Variants in LRRC7 observed in about 807,000 individuals in gnomAD.
LRRC7 encodes leucine rich repeat containing 7.
In LRRC7, 23 loss-of-function variants were observed where a neutral mutation model predicts 175.7. The ratio of observed to expected loss-of-function variants is 0.13; its 90% CI spans 0.09 to 0.19. The LOEUF (loss-of-function observed/expected upper bound fraction) is 0.19, where lower values mean the gene tolerates loss of function less well. Among genes scored for constraint, LRRC7 ranks in the 10% least tolerant of loss-of-function variants. The pLI, the probability that LRRC7 is intolerant of heterozygous loss-of-function variation, is 1.00. For missense variants in LRRC7, 1,354 were observed against 1,904.7 expected, an observed-to-expected ratio of 0.71 and a Z score of 5.38; for synonymous variants, 685 against 680.9, an observed-to-expected ratio of 1.01 and a Z score of -0.09.
Position 70,021,063 on chromosome 1 carries a change from A to G in LRRC7, c.1479A>G (p.Gln493=), listed in dbSNP as rs1354758909. 4 of 1,612,768 alleles carry G rather than the reference A, an allele frequency of 2.5e-6. No individual in the cohort carries two copies. Among genetic ancestry groups the G allele is most frequent in the Admixed American group, 1.7e-5 (1 of 59,958 alleles). The change falls in exon 16 of 27, where the codon CAA becomes CAG. Residue 493 remains glutamine, a synonymous_variant. Transcript: ENST00000651989. ...CACTGTGGGAAGAGCAGAGACAACA[A>G]CGCATGACTGTTGCCTTTGAATTTG... The part of the protein sequence containing the change: ...NPTLWEEQRQ[Q]RMTVAFEFED...
At chr1:69,889,526 G>A (rs747870523) in intron 7 of LRRC7, among the ~76,000 whole-genome samples, 14 of 152,196 alleles carry the variant, frequency 9.2e-5, no homozygotes, top group South Asian at 2.1e-4. Flanking sequence ...AACCACTTTC[G>A]CTAGGTGCAG....
At chr1:70,070,432 C>T (rs964046110) in intron 23 of LRRC7, among the ~76,000 whole-genome samples, 1 of 152,210 alleles carries the variant, frequency 6.6e-6, no homozygotes, top group Non-Finnish European at 1.5e-5. Flanking sequence ...TTTGTCCTCT[C>T]AGTATGAGCA....
At chr1:69,992,855 C>A (rs1276840445) in intron 10 of LRRC7, among the ~76,000 whole-genome samples, 1 of 152,154 alleles carries the variant, frequency 6.6e-6, no homozygotes, top group African/African-American at 2.4e-5. Flanking sequence ...TACTTCAGAG[C>A]TGGAGACTAT....
At chr1:69,980,726 A>G (rs2101888448) in intron 9 of LRRC7, among the ~76,000 whole-genome samples, 1 of 152,252 alleles carries the variant, frequency 6.6e-6, no homozygotes, top group South Asian at 2.1e-4. Context: ...CTGTTCTTTA[A>G]AAGCTGAAAG....
At chr1:69,974,941 C>T (rs1652655560) in intron 8 of LRRC7, among the ~76,000 whole-genome samples, 1 of 152,140 alleles carries the variant, frequency 6.6e-6, no homozygotes, top group Non-Finnish European at 1.5e-5. Context: ...ATATCATCTG[C>T]AGTTATGTAA....
chr1:69,801,941 T>G (rs536386863), intron 4 of LRRC7, among the ~76,000 whole-genome samples: 1 of 151,590 alleles, frequency 6.6e-6, no homozygotes, highest in East Asian at 1.9e-4. Context: ...TTTCAAAATT[T>G]TTTTTTCTAA....
At chr1:70,044,693 A>C (rs1660194169) in intron 22 of LRRC7, among the ~76,000 whole-genome samples, 1 of 152,164 alleles carries the variant, frequency 6.6e-6, no homozygotes, top group Non-Finnish European at 1.5e-5. Context: ...ATTAGATGAA[A>C]ATGTGGGAAC....
chr1:70,073,537 A>G (rs1440085382), intron 23 of LRRC7, among the ~76,000 whole-genome samples: 1 of 152,176 alleles, frequency 6.6e-6, no homozygotes, highest in Non-Finnish European at 1.5e-5. Context: ...CCTTGAATAG[A>G]CTAGTACTAC....
intron 24 of LRRC7, among the ~76,000 whole-genome samples, chr1:70,077,215 C>T (rs752892237): frequency 3.2e-4 from 49 of 152,082 alleles, no homozygotes; most frequent in Non-Finnish European, 1.2e-4. Context: ...CATTTGGATT[C>T]CAAGGGCTTT....
rs1204650835 is a variant in LRRC7, at chr1:70,136,721, C to CTTTTT, written c.*14854_*14858dup. ...TTCTGCTTTATTGCTTTTTTAATGC[C>CTTTTT]TTTTTTTTTTTTTTTTTTTTTTTTC... On this transcript the variant is annotated 3_prime_UTR_variant, in exon 27 of 27. Transcript: ENST00000651989. 5.2e-3 allele frequency among the ~76,000 whole-genome samples: 514 copies of CTTTTT among 98,336 alleles called. 18 individuals are homozygous for CTTTTT. Among genetic ancestry groups the CTTTTT allele is most frequent in the Middle Eastern group, 7.9e-3 (1 of 126 alleles). The allele number at this position is 98,336 out of a possible 152,430, so 64.5% of individuals were successfully genotyped here.
chr1:69,960,790 A>AAC (rs1650989972), intron 8 of LRRC7, among the ~76,000 whole-genome samples: 1 of 151,784 alleles, frequency 6.6e-6, no homozygotes, highest in Non-Finnish European at 1.5e-5. Flanking sequence ...CTTTATGTTA[A>AAC]AAAAAAACTC....
At chr1:70,003,789 T>C (rs2101933855) in intron 11 of LRRC7, among the ~76,000 whole-genome samples, 1 of 152,250 alleles carries the variant, frequency 6.6e-6, no homozygotes, top group South Asian at 2.1e-4. Flanking sequence ...AATGTTTCCA[T>C]ATTTTTCATT....
chr1:69,884,523 A>G (rs1445420388), intron 7 of LRRC7, among the ~76,000 whole-genome samples: 1 of 135,496 alleles, frequency 7.4e-6, no homozygotes, highest in Non-Finnish European at 1.5e-5. Flanking sequence ...GGGCTGAGAC[A>G]ATGGGGTTTT....
intron 26 of LRRC7, among the ~76,000 whole-genome samples, chr1:70,114,992 G>A (rs1665756493): frequency 6.6e-6 from 1 of 152,122 alleles, no homozygotes; most frequent in South Asian, 2.1e-4. Flanking sequence ...ATTACTGACA[G>A]ATGTTCGATA....
At chr1:69,927,454 A>T (rs147528627) in intron 7 of LRRC7, among the ~76,000 whole-genome samples, 3 of 152,166 alleles carry the variant, frequency 2.0e-5, no homozygotes, top group African/African-American at 7.2e-5. Context: ...CCAGTCAGAC[A>T]TAGATTTGGT....
intron 2 of LRRC7, among the ~76,000 whole-genome samples, chr1:69,684,409 G>A (rs1321967200): frequency 2.0e-5 from 3 of 151,936 alleles, no homozygotes; most frequent in African/African-American, 4.8e-5. Flanking sequence ...AAAGGCATAA[G>A]GAAAGAAAAA....
Position 70,039,612 on chromosome 1 carries a change from C to G in LRRC7, c.3788C>G (p.Ala1263Gly), listed in dbSNP as rs1659683602. The stretch of plus-strand genomic sequence containing the variant: ...CCAGTTTCAGCTAGGCCTACTATGG[C>G]AGCTCTTTTGGAAAAAATACCATCT... The part of the protein sequence containing the change: ...TRPVSARPTM[A>G]ALLEKIPSDY... Residue 1263 changes from alanine to glycine, a missense_variant, in exon 21 of 27, where the codon GCA becomes GGA. Physicochemically the swap from Ala to Gly is moderately conservative, Grantham distance 60. Coordinates refer to ENST00000651989, the MANE Select transcript of LRRC7 (RefSeq NM_001370785.2). 1 of 1,613,942 alleles carries G rather than the reference C, an allele frequency of 6.2e-7. No homozygotes were observed. The highest frequency in any genetic ancestry group is 8.5e-7 in the Non-Finnish European group (1 of 1,179,992).
intron 8 of LRRC7, among the ~76,000 whole-genome samples, chr1:69,939,209 A>G (rs1648439972): frequency 6.6e-6 from 1 of 151,718 alleles, no homozygotes; most frequent in African/African-American, 2.4e-5. Flanking sequence ...GTTTAATAGA[A>G]AGATGGTTTA....
intron 8 of LRRC7, among the ~76,000 whole-genome samples, chr1:69,937,751 T>G (rs985023981): frequency 2.0e-5 from 3 of 152,056 alleles, no homozygotes; most frequent in Non-Finnish European, 4.4e-5. Flanking sequence ...AAATCATAAG[T>G]GCTTAGGAAT....
Sources: allele counts gnomAD v4.1 joint callset (sites outside exome capture counted in the v4.1 genomes callset), GRCh38; gene constraint gnomAD v4.1.1; transcripts MANE v1.5; gene names NCBI Gene and HGNC (gene_info 2026-07-23, HGNC 2026-07-21).